The following ACER3 variants were observed in gnomAD, a reference collection of about 807,000 sequenced individuals.
The protein encoded by ACER3 is alkaline ceramidase 3, also known as alkCDase 3.
Under a neutral mutation model 48.9 loss-of-function variants are expected in ACER3, and 16 were observed. That is an observed-to-expected ratio of 0.33 (90% CI 0.22 to 0.50). The LOEUF is 0.50. Among genes scored for constraint, ACER3 ranks in the 20% least tolerant of loss-of-function variants. The pLI is 0.98. For missense variants in ACER3, 227 were observed against 326.0 expected, an observed-to-expected ratio of 0.70 and a Z score of 2.34; for synonymous variants, 109 against 107.8, an observed-to-expected ratio of 1.01 and a Z score of -0.07.
At chr11:76,962,293 C>T (rs1169461032) in intron 3 of ACER3, among the ~76,000 whole-genome samples, 2 of 136,042 alleles carry the variant, frequency 1.5e-5, no homozygotes, top group East Asian at 4.3e-4. Context: ...GATCTCGGCT[C>T]ACTGCAACCT....
chr11:76,969,869 A>C lies in ACER3; in HGVS notation c.268-6420A>C, dbSNP rs199909359. On this transcript the variant is annotated intron_variant, in intron 3 of 10. Transcript: ENST00000532485. ...TAAATGACGAGTTAATGGGTGCAGC[A>C]CACCAACATGGCACATGTATACATA... 8.1e-4 allele frequency among the ~76,000 whole-genome samples: 123 copies of C among 151,782 alleles called. 2 individuals carry two copies. The East Asian group carries it at 0.021, about 26-fold the overall frequency.
At chr11:76,993,687 G>C (rs1430294865) in intron 6 of ACER3, among the ~76,000 whole-genome samples, 1 of 152,184 alleles carries the variant, frequency 6.6e-6, no homozygotes, top group African/African-American at 2.4e-5. Context: ...TTTTGTGGAA[G>C]ACAATTTTTC....
intron 1 of ACER3, among the ~76,000 whole-genome samples, chr11:76,925,806 A>T (rs1360205064): frequency 6.6e-6 from 1 of 152,100 alleles, no homozygotes; most frequent in Non-Finnish European, 1.5e-5. Flanking sequence ...TGAATTGATT[A>T]TTTGTCTTGA....
Position 76,990,578 on chromosome 11 carries a change from AT to A in ACER3, c.438+10del, listed in dbSNP as rs1267668806. ...AAAAGAGCCGATATTCCATCAGGTAATTTTTTGTAAATTATTACACATTAGA... is the reference window on the plus strand; with the variant it reads ...AAAAGAGCCGATATTCCATCAGGTAATTTTTGTAAATTATTACACATTAGA... On this transcript the variant is annotated splice_donor_5th_base_variant and intron_variant, in intron 6 of 10. Coordinates refer to ENST00000532485, the MANE Select transcript of ACER3 (RefSeq NM_018367.7). 2.1e-6 allele frequency: 3 copies of A among 1,458,022 alleles called. No homozygotes were observed. The highest frequency in any genetic ancestry group is 1.7e-5 in the Admixed American group (1 of 58,418). 90.3% of individuals were successfully genotyped at this position (1,458,022 alleles called of 1,614,324 possible).
chr11:76,947,624 C>T (rs758676502), intron 2 of ACER3, among the ~76,000 whole-genome samples: 1 of 152,124 alleles, frequency 6.6e-6, no homozygotes, highest in Non-Finnish European at 1.5e-5. Flanking sequence ...TTACAGCTTG[C>T]TTAGTAGCTC....
At chr11:76,962,845 T>A (rs1018809159) in intron 3 of ACER3, among the ~76,000 whole-genome samples, 8 of 151,216 alleles carry the variant, frequency 5.3e-5, no homozygotes, top group Non-Finnish European at 1.0e-4. Flanking sequence ...TGGAAAAAGG[T>A]AGAGATTTAT....
At chr11:77,016,133 G>A (rs1410452091) in intron 8 of ACER3, among the ~76,000 whole-genome samples, 1 of 148,294 alleles carries the variant, frequency 6.7e-6, no homozygotes, top group Non-Finnish European at 1.5e-5. Flanking sequence ...AAAAAAATTT[G>A]CAGAGGCAGG....
intron 2 of ACER3, among the ~76,000 whole-genome samples, chr11:76,940,167 G>C (rs1947299964): frequency 6.6e-6 from 1 of 151,268 alleles, no homozygotes; most frequent in Non-Finnish European, 1.5e-5. Flanking sequence ...TTTTTAAATA[G>C]AGATGGGTTC....
intron 2 of ACER3, among the ~76,000 whole-genome samples, chr11:76,942,941 C>G (rs1947374334): frequency 6.6e-6 from 1 of 151,874 alleles, no homozygotes; most frequent in Admixed American, 6.6e-5. Flanking sequence ...CAGAATTTAT[C>G]TATTTCCTCT....
intron 2 of ACER3, 170 bp from the exon 3 acceptor site, chr11:76,958,809 A>G: frequency 1.5e-6 from 1 of 669,664 alleles, no homozygotes; most frequent in Non-Finnish European, 2.5e-6. Context: ...TTCTACACCA[A>G]AATTTCACCA....
chr11:76,877,935 T>C (rs933060419), intron 1 of ACER3, among the ~76,000 whole-genome samples: 3 of 152,146 alleles, frequency 2.0e-5, no homozygotes, highest in Non-Finnish European at 4.4e-5. Context: ...CTTGCTTTTT[T>C]TTTTTAAACA....
At chr11:76,924,581 G>A (rs958668784) in intron 1 of ACER3, among the ~76,000 whole-genome samples, 15 of 151,486 alleles carry the variant, frequency 9.9e-5, no homozygotes, top group Non-Finnish European at 1.9e-4. Flanking sequence ...TTCTGGATCT[G>A]TAAATTTAAG....
intron 2 of ACER3, among the ~76,000 whole-genome samples, chr11:76,930,153 G>T (rs1946955559): frequency 1.3e-5 from 2 of 152,150 alleles, no homozygotes; most frequent in Non-Finnish European, 2.9e-5. Context: ...GCCTGTCATT[G>T]GTGTATTCAG....
At chr11:77,012,621 A>C (rs1949292898) in intron 7 of ACER3, among the ~76,000 whole-genome samples, 1 of 152,172 alleles carries the variant, frequency 6.6e-6, no homozygotes, top group African/African-American at 2.4e-5. Flanking sequence ...CAAGACCTGT[A>C]CATTGAAAAC....
At chr11:76,993,240 T>C (rs1352344090) in intron 6 of ACER3, among the ~76,000 whole-genome samples, 3 of 152,088 alleles carry the variant, frequency 2.0e-5, no homozygotes, top group East Asian at 3.9e-4. Flanking sequence ...GAGATACATA[T>C]ACTAGTGAAT....
intron 1 of ACER3, among the ~76,000 whole-genome samples, chr11:76,893,411 A>G (rs1590891192): frequency 6.6e-6 from 1 of 152,256 alleles, no homozygotes; most frequent in East Asian, 1.9e-4. Context: ...TTTATAATCA[A>G]TATCCTTATA....
chr11:76,936,759 C>T lies in ACER3; in HGVS notation c.214+10092C>T, dbSNP rs1019831259. 2.0e-5 allele frequency among the ~76,000 whole-genome samples: 3 copies of T among 151,446 alleles called. 1 individual carries two copies. Among genetic ancestry groups the T allele is most frequent in the African/African-American group, 7.3e-5 (3 of 41,324 alleles). On this transcript the variant is annotated intron_variant, in intron 2 of 10. Transcript: ENST00000532485. Reference sequence around the variant, plus strand: ...TTAAGACAGAGTCTCGCTCTGTCGCCCAGGCTACAGTGCAGTGGTGCAATA... The same window carrying T: ...TTAAGACAGAGTCTCGCTCTGTCGCTCAGGCTACAGTGCAGTGGTGCAATA...
chr11:77,015,804 G>T (rs1044994672), intron 8 of ACER3, among the ~76,000 whole-genome samples: 1 of 152,032 alleles, frequency 6.6e-6, no homozygotes, highest in Non-Finnish European at 1.5e-5. Context: ...TGGTCTCTTC[G>T]ACAAATAAAT....
At chr11:76,965,920 C>T (rs1242196786) in intron 3 of ACER3, among the ~76,000 whole-genome samples, 1 of 151,184 alleles carries the variant, frequency 6.6e-6, no homozygotes, top group Non-Finnish European at 1.5e-5. Flanking sequence ...AAATAACCAG[C>T]TAACATCATA....
Sources: allele counts gnomAD v4.1 joint callset (sites outside exome capture counted in the v4.1 genomes callset), GRCh38; gene constraint gnomAD v4.1.1; transcripts MANE v1.5; gene names NCBI Gene and HGNC (gene_info 2026-07-23, HGNC 2026-07-21).